The following DYNC1I2 variants were observed in gnomAD, a reference collection of about 807,000 sequenced individuals.
DYNC1I2 encodes dynein cytoplasmic 1 intermediate chain 2.
A neutral mutation model predicts 88.6 loss-of-function variants in DYNC1I2; 53 were observed. The ratio of observed to expected loss-of-function variants is 0.60; its 90% CI spans 0.48 to 0.75. The LOEUF is 0.75. DYNC1I2 is among the 30% of genes least tolerant of loss of function. The pLI is 0.00. For missense variants in DYNC1I2, 458 were observed against 766.6 expected, an observed-to-expected ratio of 0.60 and a Z score of 4.75; for synonymous variants, 198 against 254.6, an observed-to-expected ratio of 0.78 and a Z score of 2.12.
At chr2:171,736,174 G>A (rs1375521271) in intron 15 of DYNC1I2, among the ~76,000 whole-genome samples, 2 of 152,120 alleles carry the variant, frequency 1.3e-5, no homozygotes, top group Non-Finnish European at 2.9e-5. Context: ...CTTTGAAGTT[G>A]GGTGTTCTTA....
chr2:171,726,042 T>C lies in DYNC1I2; in HGVS notation c.731T>C (p.Phe244Ser), dbSNP rs1688229193. The change falls in exon 9 of 18, where the codon TTC (phenylalanine) becomes TCC (serine). Residue 244 changes from phenylalanine (F) to serine (S), a missense_variant. Coordinates refer to ENST00000397119, the MANE Select transcript of DYNC1I2 (RefSeq NM_001378.3). The stretch of plus-strand genomic sequence containing the variant: ...GCTCTTTCTGAGCAGATTAACATCT[T>C]CTTTGACTATAGTGGGAGAGATTTG... The part of the protein sequence containing the change: ...ERALSEQINI[F>S]FDYSGRDLED... 1 of 1,588,902 alleles carries C rather than the reference T, an allele frequency of 6.3e-7. No individual in the cohort carries two copies. The highest frequency in any genetic ancestry group is 1.9e-5 in the Admixed American group (1 of 52,798).
chr2:171,706,619 T>C, intron 4 of DYNC1I2, 55 bp downstream of exon 4: 1 of 1,492,900 alleles, frequency 6.7e-7, no homozygotes, highest in Non-Finnish European at 9.3e-7. Flanking sequence ...CACTTTATGT[T>C]ATGCATAATG....
intron 3 of DYNC1I2, among the ~76,000 whole-genome samples, chr2:171,694,511 G>A (rs1250075625): frequency 6.6e-6 from 1 of 151,992 alleles, no homozygotes; most frequent in African/African-American, 2.4e-5. Context: ...TACAAAATTA[G>A]GTGGGCGTGG....
chr2:171,741,374 C>T (rs184816148), intron 15 of DYNC1I2, among the ~76,000 whole-genome samples: 16 of 152,266 alleles, frequency 1.1e-4, no homozygotes, highest in Admixed American at 1.0e-3. Context: ...CAAGTGGCAG[C>T]ACCATTTTAC....
At chr2:171,725,372 TGCTGAGGTACCACATAG>T in intron 7 of DYNC1I2, among the ~76,000 whole-genome samples, 1 of 152,182 alleles carries the variant, frequency 6.6e-6, no homozygotes, top group East Asian at 1.9e-4. Flanking sequence ...GGGTGGCTGT[TGCTGAGGTACCACATAG>T]GTATGTATAA....
At chr2:171,690,960 T>A (rs1685362913) in intron 2 of DYNC1I2, among the ~76,000 whole-genome samples, 1 of 152,208 alleles carries the variant, frequency 6.6e-6, no homozygotes, top group Non-Finnish European at 1.5e-5. Flanking sequence ...TCAGTCAAGA[T>A]GTCTATATTA....
intron 3 of DYNC1I2, among the ~76,000 whole-genome samples, chr2:171,706,086 A>G (rs1559372672): frequency 2.0e-5 from 3 of 152,102 alleles, no homozygotes; most frequent in Non-Finnish European, 4.4e-5. Context: ...AAACATTTAG[A>G]CATAATTTTA....
At chr2:171,717,203 C>T (rs560661521) in intron 7 of DYNC1I2, among the ~76,000 whole-genome samples, 2 of 144,778 alleles carry the variant, frequency 1.4e-5, no homozygotes, top group East Asian at 4.1e-4. Flanking sequence ...AGTGCAGTGG[C>T]GCCATCTTGG....
At chr2:171,717,141 C>CTT (rs71013068) in intron 7 of DYNC1I2, among the ~76,000 whole-genome samples, 6 of 102,296 alleles carry the variant, frequency 5.9e-5, no homozygotes, top group African/African-American at 1.7e-4. Flanking sequence ...CAAGTATTTT[C>CTT]TTTTTTTTTT....
intron 15 of DYNC1I2, among the ~76,000 whole-genome samples, chr2:171,731,060 C>T (rs1393847181): frequency 6.6e-6 from 1 of 152,176 alleles, no homozygotes; most frequent in Non-Finnish European, 1.5e-5. Flanking sequence ...GAAACAGATG[C>T]TTAACACAGT....
chr2:171,728,239 T>G (rs1331998899), intron 12 of DYNC1I2, 66 bp from the exon 13 acceptor site: 10 of 960,550 alleles, frequency 1.0e-5, no homozygotes, highest in Non-Finnish European at 1.5e-5. Flanking sequence ...TGCTTATAAT[T>G]AGACTAAAAA....
intron 14 of DYNC1I2, 110 bp downstream of exon 14, chr2:171,728,960 AC>A (rs1007902638): frequency 5.6e-6 from 7 of 1,253,200 alleles, no homozygotes; most frequent in Middle Eastern, 2.1e-4. Context: ...GTTATTTGTG[AC>A]AGATTTTTTG....
chr2:171,706,739 T>C (rs895808958), intron 4 of DYNC1I2, among the ~76,000 whole-genome samples, 175 bp downstream of exon 4: 1 of 152,198 alleles, frequency 6.6e-6, no homozygotes, highest in African/African-American at 2.4e-5. Context: ...TTTCTCTAAA[T>C]TGATATCTTT....
intron 15 of DYNC1I2, among the ~76,000 whole-genome samples, chr2:171,737,759 C>T (rs1457806146): frequency 6.6e-6 from 1 of 151,964 alleles, no homozygotes; most frequent in African/African-American, 2.4e-5. Context: ...AGTTACAGTG[C>T]ATCCTGTTTT....
At chr2:171,710,027 A>C (rs1212292675) in intron 5 of DYNC1I2, among the ~76,000 whole-genome samples, 1 of 151,904 alleles carries the variant, frequency 6.6e-6, no homozygotes, top group Non-Finnish European at 1.5e-5. Flanking sequence ...ACATCTTTTT[A>C]ACCTTAATAT....
At chr2:171,731,118 T>A (rs1313362098) in intron 15 of DYNC1I2, among the ~76,000 whole-genome samples, 1 of 152,234 alleles carries the variant, frequency 6.6e-6, no homozygotes. Context: ...CTCTTTTACC[T>A]CTTAATGGGG....
intron 3 of DYNC1I2, 48 bp from the exon 4 acceptor site, chr2:171,706,499 G>T: frequency 6.5e-7 from 1 of 1,533,010 alleles, no homozygotes; most frequent in East Asian, 2.3e-5. Flanking sequence ...TCTATAAGAA[G>T]GGATTAAGAA....
intron 7 of DYNC1I2, among the ~76,000 whole-genome samples, chr2:171,716,288 A>C (rs1399087972): frequency 6.6e-6 from 1 of 152,170 alleles, no homozygotes; most frequent in Non-Finnish European, 1.5e-5. Context: ...TTGGCAGCAA[A>C]ACATATGAAC....
At chr2:171,722,120 C>G (rs1047855007) in intron 7 of DYNC1I2, among the ~76,000 whole-genome samples, 7 of 152,124 alleles carry the variant, frequency 4.6e-5, no homozygotes, top group Non-Finnish European at 1.5e-5. Flanking sequence ...ACAAAAGCCA[C>G]CCATTTCACA....
Sources: allele counts gnomAD v4.1 joint callset (sites outside exome capture counted in the v4.1 genomes callset), GRCh38; gene constraint gnomAD v4.1.1; transcripts MANE v1.5; gene names NCBI Gene and HGNC (gene_info 2026-07-23, HGNC 2026-07-21).